SGCZ: variants seen among roughly 807,000 people sequenced by gnomAD.
SGCZ encodes zeta-sarcoglycan.
A neutral mutation model predicts 41.3 loss-of-function variants in SGCZ; 40 were observed. That is an observed-to-expected ratio of 0.97 (90% CI 0.75 to 1.26). The LOEUF (loss-of-function observed/expected upper bound fraction) is 1.26. SGCZ is among the 50% of genes most tolerant of loss of function. The pLI, the probability that SGCZ is intolerant of heterozygous loss-of-function variation, is 0.00. For missense variants in SGCZ, 552 were observed against 369.8 expected (o/e 1.49, Z -4.04); for synonymous variants, 206 against 137.5 (o/e 1.50, Z -3.49).
intron 2 of SGCZ, among the ~76,000 whole-genome samples, chr8:14,343,579 G>A (rs1802785515): frequency 1.3e-5 from 2 of 152,170 alleles, no homozygotes; most frequent in South Asian, 2.1e-4. Flanking sequence ...AAATAGCATA[G>A]TGCTGCAGAA....
intron 2 of SGCZ, among the ~76,000 whole-genome samples, chr8:14,548,835 A>C (rs1034207913): frequency 6.6e-6 from 1 of 152,120 alleles, no homozygotes; most frequent in Non-Finnish European, 1.5e-5. Context: ...TTTCTCAAGA[A>C]ATTGTTCTAT....
intron 2 of SGCZ, among the ~76,000 whole-genome samples, chr8:14,327,208 G>C (rs1802152714): frequency 6.6e-6 from 1 of 152,174 alleles, no homozygotes; most frequent in African/African-American, 2.4e-5. Flanking sequence ...TGGATTTGGA[G>C]ATCTTGAAGT....
chr8:14,511,013 ATATT>A lies in SGCZ; in HGVS notation c.234+43715_234+43718del, dbSNP rs1186861643. On this transcript the variant is annotated intron_variant, in intron 2 of 7. Transcript: ENST00000382080. ...ACTGTTTTATAAAGATAGATAGAAG[ATATT>A]TATTTTTCTTTTGGATAAAATCAAC... Among the ~76,000 whole-genome samples, 5 of 152,174 alleles carry A rather than the reference ATATT, an allele frequency of 3.3e-5. No individual in the cohort carries two copies. The East Asian group carries it at 9.7e-4, about 30-fold the overall frequency.
chr8:14,636,697 G>C (rs115929878), intron 1 of SGCZ, among the ~76,000 whole-genome samples: 2 of 151,772 alleles, frequency 1.3e-5, no homozygotes, highest in Admixed American at 6.6e-5. Flanking sequence ...GGCATATATA[G>C]AAAGGTAATA....
intron 2 of SGCZ, among the ~76,000 whole-genome samples, chr8:14,377,055 G>A (rs1804158539): frequency 6.6e-6 from 1 of 152,134 alleles, no homozygotes; most frequent in South Asian, 2.1e-4. Context: ...CTCATGATAA[G>A]AAGGTGACTC....
chr8:14,135,298 C>T (rs757478557), intron 5 of SGCZ, among the ~76,000 whole-genome samples: 1 of 152,218 alleles, frequency 6.6e-6, no homozygotes, highest in Non-Finnish European at 1.5e-5. Flanking sequence ...CCTTCACTAT[C>T]TCTTCCTTTC....
chr8:15,114,245 G>C (rs943165474), intron 1 of SGCZ, among the ~76,000 whole-genome samples: 2 of 152,114 alleles, frequency 1.3e-5, no homozygotes, highest in African/African-American at 4.8e-5. Flanking sequence ...AGAGAACCCT[G>C]TCCTGGATGC....
At chr8:14,809,726 C>G (rs746162947) in intron 1 of SGCZ, among the ~76,000 whole-genome samples, 1 of 151,946 alleles carries the variant, frequency 6.6e-6, no homozygotes, top group African/African-American at 2.4e-5. Context: ...AAGAAGTGAC[C>G]GCAGTACCCA....
At chr8:14,213,214 A>T (rs1401160071) in intron 4 of SGCZ, among the ~76,000 whole-genome samples, 1 of 152,188 alleles carries the variant, frequency 6.6e-6, no homozygotes, top group African/African-American at 2.4e-5. Flanking sequence ...AGAAGCTGAA[A>T]GAGAATAAAC....
chr8:14,406,427 C>T (rs928032334), intron 2 of SGCZ, among the ~76,000 whole-genome samples: 2 of 152,092 alleles, frequency 1.3e-5, no homozygotes, highest in Non-Finnish European at 2.9e-5. Context: ...ATGTAAATTT[C>T]GTGAGAAGGG....
intron 2 of SGCZ, among the ~76,000 whole-genome samples, chr8:14,390,226 T>C (rs1201251051): frequency 7.2e-5 from 11 of 151,954 alleles, no homozygotes; most frequent in African/African-American, 2.2e-4. Context: ...TAAGTAATAA[T>C]CATCCTTGGA....
intron 1 of SGCZ, among the ~76,000 whole-genome samples, chr8:14,893,013 C>T (rs560730197): frequency 9.2e-5 from 14 of 152,116 alleles, no homozygotes; most frequent in Admixed American, 7.9e-4. Flanking sequence ...GAATGACAGA[C>T]GTCTACATCC....
At chr8:14,308,918 G>C in intron 3 of SGCZ, 1 of 489,144 alleles carries the variant, frequency 2.0e-6, no homozygotes, top group Non-Finnish European at 3.7e-6. Flanking sequence ...TTCTTAATTT[G>C]AAATCCAGTA....
intron 1 of SGCZ, among the ~76,000 whole-genome samples, chr8:15,101,118 C>G (rs1379756053): frequency 2.0e-5 from 3 of 152,098 alleles, no homozygotes; most frequent in African/African-American, 7.2e-5. Context: ...AATCGTAGAC[C>G]TAACGTAAAA....
At chr8:15,132,948 C>T (rs550842006) in intron 1 of SGCZ, among the ~76,000 whole-genome samples, 1 of 152,204 alleles carries the variant, frequency 6.6e-6, no homozygotes, top group Non-Finnish European at 1.5e-5. Flanking sequence ...CAAGATCAGC[C>T]TGGCAACATG....
At position 14,632,246 on chromosome 8, in the gene SGCZ, C is replaced by T. The variant is rs1044693839; in HGVS notation, c.40-77320G>A. ...CTATGTTGCCCACGCTTGTCTTGAACTCCTGAGCTCATGTGATTCTCCCAC... is the reference window on the plus strand; with the variant it reads ...CTATGTTGCCCACGCTTGTCTTGAATTCCTGAGCTCATGTGATTCTCCCAC... On this transcript the variant is annotated intron_variant, in intron 1 of 7. Coordinates refer to ENST00000382080, the MANE Select transcript of SGCZ (RefSeq NM_139167.4). Among the ~76,000 whole-genome samples the T allele has an allele frequency of 2.0e-5, 3 of 152,110 alleles. No individual in the cohort carries two copies. In the East Asian group the frequency reaches 5.8e-4, roughly 30 times the overall value.
intron 1 of SGCZ, among the ~76,000 whole-genome samples, chr8:14,959,854 G>T (rs983079990): frequency 2.2e-4 from 34 of 152,270 alleles, no homozygotes; most frequent in African/African-American, 7.5e-4. Flanking sequence ...GACAATGGGA[G>T]GACAACATAC....
At chr8:14,417,681 G>T (rs1433889830) in intron 2 of SGCZ, among the ~76,000 whole-genome samples, 1 of 151,698 alleles carries the variant, frequency 6.6e-6, no homozygotes, top group East Asian at 1.9e-4. Context: ...ATAACGTATT[G>T]TACTCTTGAA....
chr8:14,586,852 C>T (rs577010701), intron 1 of SGCZ, among the ~76,000 whole-genome samples: 1 of 151,986 alleles, frequency 6.6e-6, no homozygotes, highest in Non-Finnish European at 1.5e-5. Context: ...ATGCTACTGA[C>T]ATAGAATATA....
Sources: allele counts gnomAD v4.1 joint callset (sites outside exome capture counted in the v4.1 genomes callset), GRCh38; gene constraint gnomAD v4.1.1; transcripts MANE v1.5; gene names NCBI Gene and HGNC (gene_info 2026-07-23, HGNC 2026-07-21).